Variants in KIAA1217 observed in about 807,000 individuals in gnomAD.
The protein encoded by KIAA1217 is sickle tail protein homolog.
In KIAA1217, 88 loss-of-function variants were observed where a neutral mutation model predicts 163.9. The observed-to-expected ratio is 0.54, with a 90% CI of 0.45 to 0.64. The LOEUF is 0.64. Ranked by LOEUF, KIAA1217 falls within the 30% of genes least tolerant of loss-of-function variation. The pLI is 0.00. For missense variants in KIAA1217, 2,372 were observed against 2,475.0 expected, an observed-to-expected ratio of 0.96 and a Z score of 0.88; for synonymous variants, 903 against 923.1, an observed-to-expected ratio of 0.98 and a Z score of 0.39.
At chr10:24,443,474 C>A (rs1028937461) in intron 5 of KIAA1217, among the ~76,000 whole-genome samples, 11 of 152,152 alleles carry the variant, frequency 7.2e-5, no homozygotes, top group African/African-American at 2.7e-4. Flanking sequence ...TTCACTCTCC[C>A]TCTCTACATA....
chr10:24,010,997 A>G (rs1202124865), intron 2 of KIAA1217, among the ~76,000 whole-genome samples: 2 of 152,144 alleles, frequency 1.3e-5, no homozygotes, highest in Non-Finnish European at 2.9e-5. Flanking sequence ...TTAAGACCTC[A>G]CAACACTCCA....
intron 2 of KIAA1217, among the ~76,000 whole-genome samples, chr10:24,179,135 T>G (rs2066049362): frequency 6.6e-6 from 1 of 152,212 alleles, no homozygotes; most frequent in Non-Finnish European, 1.5e-5. Flanking sequence ...AAAAAGTACT[T>G]AGGCATTGAT....
At chr10:24,399,007 C>T (rs911944887) in intron 3 of KIAA1217, among the ~76,000 whole-genome samples, 1 of 152,182 alleles carries the variant, frequency 6.6e-6, no homozygotes, top group Non-Finnish European at 1.5e-5. Context: ...GCCTGACTTT[C>T]CTGGTAGGGT....
intron 2 of KIAA1217, among the ~76,000 whole-genome samples, chr10:24,199,825 C>G (rs2067164930): frequency 6.6e-6 from 1 of 152,116 alleles, no homozygotes; most frequent in Admixed American, 6.6e-5. Context: ...AAGAAATAGA[C>G]ATACTAATAA....
At position 23,884,310 on chromosome 10, in the gene KIAA1217, G is replaced by A. The variant is rs79935617; in HGVS notation, c.-320-122915G>A. ...ATTTGGATTTTGGCCATTCTAATAC[G>A]AATATGGTAACATCCCATTGTTGCT... On this transcript the variant is annotated intron_variant, in intron 1 of 18. Transcript: ENST00000376462. 6.8e-3 allele frequency among the ~76,000 whole-genome samples: 1,039 copies of A among 151,992 alleles called. 82 individuals carry two copies. In the East Asian group the frequency reaches 0.17, roughly 25 times the overall value.
intron 1 of KIAA1217, among the ~76,000 whole-genome samples, chr10:23,707,477 A>G (rs1228693804): frequency 2.0e-5 from 3 of 152,212 alleles, no homozygotes; most frequent in African/African-American, 7.2e-5. Flanking sequence ...CCATTGCCTA[A>G]ATGAAATAAC....
intron 1 of KIAA1217, among the ~76,000 whole-genome samples, chr10:23,768,742 G>A (rs565952489): frequency 3.4e-4 from 52 of 152,266 alleles, no homozygotes; most frequent in Non-Finnish European, 6.0e-4. Context: ...TTACCATTTA[G>A]CACAGCCCAG....
At chr10:23,749,897 C>A (rs576534156) in intron 1 of KIAA1217, among the ~76,000 whole-genome samples, 1 of 152,166 alleles carries the variant, frequency 6.6e-6, no homozygotes, top group Non-Finnish European at 1.5e-5. Context: ...TCAAACTCAA[C>A]CTGTTAGAAA....
chr10:24,204,108 C>T (rs4277000), upstream of KIAA1217, among the ~76,000 whole-genome samples: 9,516 of 152,276 alleles, frequency 0.062, 464 homozygotes, highest in African/African-American at 0.13. Flanking sequence ...AGTTTCACAT[C>T]ATATGACCAC....
chr10:23,769,020 A>G (rs1416333791), intron 1 of KIAA1217, among the ~76,000 whole-genome samples: 1 of 152,210 alleles, frequency 6.6e-6, no homozygotes, highest in African/African-American at 2.4e-5. Flanking sequence ...GCCTAGACAG[A>G]GACAATTTAT....
At chr10:24,060,818 C>G (rs905514738) in intron 2 of KIAA1217, among the ~76,000 whole-genome samples, 1 of 151,906 alleles carries the variant, frequency 6.6e-6, no homozygotes, top group Non-Finnish European at 1.5e-5. Flanking sequence ...AGAGTGAAAC[C>G]CTGTTTAAAA....
intron 2 of KIAA1217, among the ~76,000 whole-genome samples, chr10:24,194,011 A>T (rs2066859549): frequency 6.6e-6 from 1 of 151,816 alleles, no homozygotes; most frequent in Non-Finnish European, 1.5e-5. Context: ...ACATGGCGAA[A>T]CCCCATCTCT....
intron 3 of KIAA1217, among the ~76,000 whole-genome samples, chr10:24,407,593 C>T (rs1406453834): frequency 6.6e-6 from 1 of 152,110 alleles, no homozygotes; most frequent in Non-Finnish European, 1.5e-5. Flanking sequence ...GGGTGTGAGC[C>T]CCCACGCCCA....
chr10:24,000,241 G>C (rs1210166482), intron 1 of KIAA1217, among the ~76,000 whole-genome samples: 2 of 152,158 alleles, frequency 1.3e-5, no homozygotes, highest in African/African-American at 4.8e-5. Context: ...TTGAATTATA[G>C]TTCTCATAAT....
At chr10:24,013,111 A>AT (rs978807975) in intron 2 of KIAA1217, among the ~76,000 whole-genome samples, 59 of 151,926 alleles carry the variant, frequency 3.9e-4, no homozygotes, top group Non-Finnish European at 5.9e-5. Context: ...TTGGTGCCAT[A>AT]TTTTTTTGCA....
chr10:24,243,737 A>G (rs890118895), intron 2 of KIAA1217, among the ~76,000 whole-genome samples: 1 of 151,942 alleles, frequency 6.6e-6, no homozygotes, highest in African/African-American at 2.4e-5. Flanking sequence ...GTGTGTATAT[A>G]TAGGACTATA....
At position 23,863,376 on chromosome 10, in the gene KIAA1217, T is replaced by C. The variant is rs113218011; in HGVS notation, c.-320-143849T>C. On this transcript the variant is annotated intron_variant, in intron 1 of 18. Transcript: ENST00000376462. ...TTTCCATTGTGATAGTATTAAGAGG[T>C]GGGACTTTTAAGAGCTAATGAGGCT... Among the ~76,000 whole-genome samples, 735 of 152,276 alleles carry C rather than the reference T, an allele frequency of 4.8e-3. 9 individuals carry two copies. Among genetic ancestry groups the C allele is most frequent in the African/African-American group, 0.016 (662 of 41,562 alleles).
chr10:24,148,644 T>C (rs1179297181), intron 2 of KIAA1217, among the ~76,000 whole-genome samples: 1 of 152,208 alleles, frequency 6.6e-6, no homozygotes, highest in East Asian at 1.9e-4. Context: ...CGGCTTCCCC[T>C]GTGCCTTCCG....
At chr10:23,782,306 T>G (rs902531144) in intron 1 of KIAA1217, among the ~76,000 whole-genome samples, 1 of 152,222 alleles carries the variant, frequency 6.6e-6, no homozygotes, top group African/African-American at 2.4e-5. Context: ...CCTAAGTATT[T>G]TATTGATTTT....
Sources: allele counts gnomAD v4.1 joint callset (sites outside exome capture counted in the v4.1 genomes callset), GRCh38; gene constraint gnomAD v4.1.1; transcripts MANE v1.5; gene names NCBI Gene and HGNC (gene_info 2026-07-23, HGNC 2026-07-21).